Variants in ZEB2 observed in about 807,000 individuals in gnomAD.
The protein encoded by ZEB2 is zinc finger E-box-binding homeobox 2.
In ZEB2, 6 loss-of-function variants were observed where a neutral mutation model predicts 99.9. The ratio of observed to expected loss-of-function variants is 0.06; its 90% confidence interval spans 0.03 to 0.12. The LOEUF is 0.12. Among genes scored for constraint, ZEB2 ranks in the 10% least tolerant of loss-of-function variants. The pLI is 1.00. For missense variants in ZEB2, 969 were observed against 1,502.8 expected, an observed-to-expected ratio of 0.64 and a Z score of 5.87; for synonymous variants, 517 against 542.5, an observed-to-expected ratio of 0.95 and a Z score of 0.65.
chr2:144,476,038 G>C (rs1704425438), intron 2 of ZEB2, among the ~76,000 whole-genome samples: 1 of 152,136 alleles, frequency 6.6e-6, no homozygotes, highest in African/African-American at 2.4e-5. Context: ...AGTGCAAACT[G>C]TTTCTTGATA....
At position 144,410,068 on chromosome 2, in the gene ZEB2, C is replaced by T. The variant is rs572928979; in HGVS notation, c.404-5044G>A. On this transcript the variant is annotated intron_variant, in intron 4 of 9. Coordinates refer to ENST00000627532, the MANE Select transcript of ZEB2 (RefSeq NM_014795.4). ...CTGGGACTACAGGTGCCTGCCACCA[C>T]GCCCGGCTAATTTTTCGTATTTTTA... Among the ~76,000 whole-genome samples, 11 of 152,138 alleles carry T rather than the reference C, an allele frequency of 7.2e-5. No homozygotes were observed. In the South Asian group the frequency reaches 1.0e-3, roughly 14 times the overall value.
chr2:144,385,158 C>T lies in ZEB2; in HGVS notation c.*4293G>A, dbSNP rs1216907308. The T allele has an allele frequency of 6.6e-6, 1 of 151,412 alleles. No individual in the cohort carries two copies. Among genetic ancestry groups the T allele is most frequent in the African/African-American group, 2.5e-5 (1 of 40,810 alleles). 9.4% of individuals were successfully genotyped at this position (151,412 alleles called of 1,614,324 possible). A position where few individuals can be genotyped will look rare whatever the true frequency, so the allele number is the denominator to read the frequency against. ...CTTATATAAGCGATAATAATTGGAC[C>T]AGTGTCCCTTGATGTAAGGTGTCTA... On this transcript the variant is annotated 3_prime_UTR_variant, in exon 10 of 10. Transcript: ENST00000627532.
intron 2 of ZEB2, chr2:144,431,060 C>T (rs1411668598): frequency 6.6e-6 from 1 of 151,868 alleles, no homozygotes; most frequent in Admixed American, 6.6e-5. Flanking sequence ...CAAGTTAGAA[C>T]CATGACATCA....
intron 2 of ZEB2, chr2:144,513,030 A>G (rs1293140872): frequency 7.8e-7 from 1 of 1,287,106 alleles, no homozygotes; most frequent in African/African-American, 1.5e-5. Flanking sequence ...GATCCGAAGG[A>G]AACTTCCTTG....
intron 2 of ZEB2, among the ~76,000 whole-genome samples, chr2:144,468,040 T>C (rs1268295731): frequency 1.3e-5 from 2 of 151,948 alleles, no homozygotes; most frequent in Non-Finnish European, 2.9e-5. Flanking sequence ...GTATCGGTAA[T>C]AGAGACTTCA....
At chr2:144,485,732 C>A (rs1294584705) in intron 2 of ZEB2, among the ~76,000 whole-genome samples, 1 of 152,116 alleles carries the variant, frequency 6.6e-6, no homozygotes, top group Non-Finnish European at 1.5e-5. Flanking sequence ...TGTTCTCCTG[C>A]CTCAGCCTCC....
At chr2:144,392,485 A>G (rs1204362861) in intron 9 of ZEB2, among the ~76,000 whole-genome samples, 1 of 152,236 alleles carries the variant, frequency 6.6e-6, no homozygotes, top group Non-Finnish European at 1.5e-5. Context: ...ATTCGATAAT[A>G]AACAGTATGC....
chr2:144,439,148 A>C (rs559783108), intron 2 of ZEB2, among the ~76,000 whole-genome samples: 4 of 152,072 alleles, frequency 2.6e-5, no homozygotes, highest in South Asian at 2.1e-4. Flanking sequence ...AAAAAAAAAA[A>C]AAAAAACTTA....
At chr2:144,468,819 T>G (rs1431618252) in intron 2 of ZEB2, among the ~76,000 whole-genome samples, 1 of 152,122 alleles carries the variant, frequency 6.6e-6, no homozygotes, top group Non-Finnish European at 1.5e-5. Context: ...CTGTTCATTA[T>G]TCACATGCTA....
intron 3 of ZEB2, 191 bp downstream of exon 3, chr2:144,429,578 G>T (rs543123994): frequency 2.3e-6 from 2 of 856,662 alleles, no homozygotes; most frequent in East Asian, 2.7e-5. Context: ...TTCCTAAGAT[G>T]TAACTGCCGC....
At position 144,491,633 on chromosome 2, in the gene ZEB2, A is replaced by T. The variant is rs773113752; in HGVS notation, c.73+25645T>A. On this transcript the variant is annotated intron_variant, in intron 2 of 9. Transcript: ENST00000627532. ...GTACTCAGAACTCAGCATATAGGAAATGGTTCAAAAAACCTTGGGAAGAGA... is the reference window on the plus strand; with the variant it reads ...GTACTCAGAACTCAGCATATAGGAATTGGTTCAAAAAACCTTGGGAAGAGA... Among the ~76,000 whole-genome samples, 144 of 152,342 alleles carry T rather than the reference A, an allele frequency of 9.5e-4. 1 individual carries two copies. The highest frequency in any genetic ancestry group is 1.3e-4 in the Non-Finnish European group (9 of 68,032).
At chr2:144,416,872 C>G (rs1319006106) in intron 4 of ZEB2, among the ~76,000 whole-genome samples, 1 of 152,192 alleles carries the variant, frequency 6.6e-6, no homozygotes, top group Non-Finnish European at 1.5e-5. Context: ...GTCAGAAACC[C>G]TCTACAATAC....
intron 2 of ZEB2, among the ~76,000 whole-genome samples, chr2:144,491,659 A>C (rs1260802773): frequency 6.6e-6 from 1 of 152,212 alleles, no homozygotes; most frequent in Non-Finnish European, 1.5e-5. Flanking sequence ...TGGGAAGAGA[A>C]GTGCAAGTTC....
chr2:144,404,143 G>C lies in ZEB2; in HGVS notation c.593-13C>G, dbSNP rs779496291. 1 of 1,613,660 alleles carries C rather than the reference G, an allele frequency of 6.2e-7. No individual in the cohort carries two copies. Among genetic ancestry groups the C allele is most frequent in the South Asian group, 1.1e-5 (1 of 91,024 alleles). ...CCAGGTGGCAGGTCTGTAGCCGAGA[G>C]ACAGAGAGAGAGAGAAGCGGGCCAA... On this transcript the variant is annotated splice_polypyrimidine_tract_variant and intron_variant, in intron 5 of 9. Transcript: ENST00000627532.
At chr2:144,446,370 A>ATCCT (rs137960912) in intron 2 of ZEB2, among the ~76,000 whole-genome samples, 1 of 142,364 alleles carries the variant, frequency 7.0e-6, no homozygotes, top group Non-Finnish European at 1.5e-5. Context: ...TCCTCCCTCT[A>ATCCT]TCCTTCCTTC....
chr2:144,497,418 A>G (rs1286550471), intron 2 of ZEB2, among the ~76,000 whole-genome samples: 4 of 152,176 alleles, frequency 2.6e-5, no homozygotes, highest in East Asian at 1.9e-4. Flanking sequence ...TGCAAAATGA[A>G]CAAACACTGT....
At chr2:144,420,229 A>C (rs1030899898) in intron 4 of ZEB2, among the ~76,000 whole-genome samples, 6 of 152,086 alleles carry the variant, frequency 3.9e-5, no homozygotes, top group Non-Finnish European at 8.8e-5. Flanking sequence ...ATCGACATAT[A>C]CATTCTGATT....
At chr2:144,498,007 A>G (rs1161520959) in intron 2 of ZEB2, among the ~76,000 whole-genome samples, 211 of 1,864 alleles carry the variant, frequency 0.11, 68 homozygotes, top group Middle Eastern at 0.25. Context: ...ATATTATATA[A>G]TATATTAATA....
Position 144,429,761 on chromosome 2 carries a change from A to G in ZEB2, c.331+8T>C, listed in dbSNP as rs200335081. 1 of 1,613,766 alleles carries G rather than the reference A, an allele frequency of 6.2e-7. No individual in the cohort carries two copies. Among genetic ancestry groups the G allele is most frequent in the East Asian group, 2.2e-5 (1 of 44,870 alleles). ...ACAGGAAGAGGCCAAGTGATTTTAGACACTTACCTGGACCATCTACAGAGG... is the reference window on the plus strand; with the variant it reads ...ACAGGAAGAGGCCAAGTGATTTTAGGCACTTACCTGGACCATCTACAGAGG... On this transcript the variant is annotated splice_region_variant and intron_variant, in intron 3 of 9. Transcript: ENST00000627532.
Sources: allele counts gnomAD v4.1 joint callset (sites outside exome capture counted in the v4.1 genomes callset), GRCh38; gene constraint gnomAD v4.1.1; transcripts MANE v1.5; gene names NCBI Gene and HGNC (gene_info 2026-07-23, HGNC 2026-07-21).